ATR: variants seen among roughly 807,000 people sequenced by gnomAD.
ATR encodes the protein ATR checkpoint kinase.
A neutral mutation model predicts 305.3 loss-of-function variants in ATR; 142 were observed. That is an observed-to-expected ratio of 0.47 (90% confidence interval 0.41 to 0.53). The LOEUF is 0.53. Among genes scored for constraint, ATR ranks in the 20% least tolerant of loss-of-function variants. The pLI is 0.00. For missense variants in ATR, 2,135 were observed against 3,133.1 expected (o/e 0.68, Z 7.60); for synonymous variants, 1,050 against 1,068.1 (o/e 0.98, Z 0.33).
rs74385971 is a variant in ATR at position 142,452,849 on chromosome 3, A to T, written c.7761+279T>A. On this transcript the variant is annotated intron_variant, in intron 46 of 46. Coordinates refer to ENST00000350721, the MANE Select transcript of ATR (RefSeq NM_001184.4). ...TCTGTAAGTTCAGGCAATTTGTACTATAGTTTTTCCTACTGTATCTCATAA... is the reference window on the plus strand; with the variant it reads ...TCTGTAAGTTCAGGCAATTTGTACTTTAGTTTTTCCTACTGTATCTCATAA... The T allele has an allele frequency of 0.02, 25,392 of 1,271,370 alleles. 309 individuals carry two copies. Among genetic ancestry groups the T allele is most frequent in the South Asian group, 0.04 (2,365 of 59,850 alleles). The allele number at this position is 1,271,370 out of a possible 1,614,324, so 78.8% of individuals were successfully genotyped here.
chr3:142,459,087 G>A lies in ATR; in HGVS notation c.7374C>T (p.Cys2458=), dbSNP rs1204818717. Residue 2458 remains cysteine (C), a synonymous_variant, in exon 44 of 47, where the codon TGC becomes TGT. Transcript: ENST00000350721. Reference sequence around the variant, plus strand: ...CCATTGACATTACTGCAGTGGAACGGCAGTAAGCTGATCTACTACTGTACC... The same window carrying A: ...CCATTGACATTACTGCAGTGGAACGACAGTAAGCTGATCTACTACTGTACC... ...TSWYSSRSAY[C]RSTAVMSMVG... is the part of the protein sequence containing the mutation. 2 of 1,614,002 alleles carry A rather than the reference G, an allele frequency of 1.2e-6. No individual in the cohort carries two copies. Among genetic ancestry groups the A allele is most frequent in the African/African-American group, 2.7e-5 (2 of 75,046 alleles).
At chr3:142,521,485 C>A (rs946459666) in intron 23 of ATR, among the ~76,000 whole-genome samples, 9 of 152,148 alleles carry the variant, frequency 5.9e-5, no homozygotes, top group African/African-American at 2.2e-4. Flanking sequence ...GATAGTAATT[C>A]CTCTGATGGA....
intron 21 of ATR, among the ~76,000 whole-genome samples, chr3:142,526,490 A>G (rs939540877): frequency 1.8e-4 from 27 of 152,028 alleles, no homozygotes; most frequent in African/African-American, 5.8e-4. Context: ...CTTGTTTCCC[A>G]TTAAGTATGT....
At chr3:142,474,260 G>C (rs1320999190) in intron 36 of ATR, among the ~76,000 whole-genome samples, 2 of 151,542 alleles carry the variant, frequency 1.3e-5, no homozygotes, top group Non-Finnish European at 2.9e-5. Flanking sequence ...AAAAAAAAAA[G>C]GAAAGAAAGA....
intron 30 of ATR, among the ~76,000 whole-genome samples, 164 bp downstream of exon 30, chr3:142,503,198 C>G (rs1053855387): frequency 6.6e-6 from 1 of 152,022 alleles, no homozygotes; most frequent in South Asian, 2.1e-4. Context: ...GGTAGACTGA[C>G]TATGAAAAAC....
chr3:142,541,050 G>A lies in ATR; in HGVS notation c.3451-16C>T, dbSNP rs748672403. ...TGTTCAAGGCCTATAGAGTTAAGTA[G>A]TGCTTCAGAGTAAAGCTTATAAACA... On this transcript the variant is annotated splice_polypyrimidine_tract_variant and intron_variant, in intron 17 of 46. Transcript: ENST00000350721. 1.2e-6 allele frequency: 2 copies of A among 1,613,198 alleles called. No homozygotes were observed. Among genetic ancestry groups the A allele is most frequent in the South Asian group, 1.1e-5 (1 of 91,060 alleles).
intron 4 of ATR, 82 bp from the exon 5 acceptor site, chr3:142,561,503 A>C: frequency 7.1e-7 from 1 of 1,404,904 alleles, no homozygotes; most frequent in South Asian, 1.3e-5. Context: ...AATGTATTAG[A>C]TGTTAGGTGT....
intron 1 of ATR, among the ~76,000 whole-genome samples, chr3:142,568,809 C>T (rs1030401493): frequency 6.6e-6 from 1 of 152,242 alleles, no homozygotes; most frequent in Non-Finnish European, 1.5e-5. Flanking sequence ...GTTGTCAGGA[C>T]CAGGCCGCGT....
intron 36 of ATR, among the ~76,000 whole-genome samples, chr3:142,472,579 T>C (rs2071313281): frequency 6.6e-6 from 1 of 152,218 alleles, no homozygotes; most frequent in African/African-American, 2.4e-5. Context: ...TTTTGAAATA[T>C]GTCTGCTCAG....
intron 29 of ATR, 49 bp from the exon 30 acceptor site, chr3:142,503,502 C>T (rs758008538): frequency 3.2e-6 from 4 of 1,239,284 alleles, no homozygotes; most frequent in South Asian, 1.3e-5. Flanking sequence ...TCAATAATAG[C>T]TTGGGGACCA....
chr3:142,492,039 T>C (rs982762214), intron 35 of ATR, among the ~76,000 whole-genome samples: 3 of 152,238 alleles, frequency 2.0e-5, no homozygotes, highest in African/African-American at 7.2e-5. Flanking sequence ...TGTCAAGTTT[T>C]AGATTTTGTT....
rs754022724 is a variant in ATR at position 142,553,674 on chromosome 3, C to T, written c.2599G>A (p.Asp867Asn). The T allele has an allele frequency of 1.9e-6, 3 of 1,611,916 alleles. No individual in the cohort carries two copies. Among genetic ancestry groups the T allele is most frequent in the East Asian group, 4.5e-5 (2 of 44,814 alleles). ...AQISRNNELK[D>N]TLILTTGDIG... ...TCCCCTGTTGTAAGAATCAAGGTAT[C>T]CTTCAGCTCATTATTTCTTGATATT... The change falls in exon 12 of 47, where the codon GAT (aspartate) becomes AAT (asparagine). Residue 867 changes from aspartate to asparagine, a missense_variant. Physicochemically the swap from Asp to Asn is conservative, Grantham distance 23 (BLOSUM62 1). Around this residue, in one of 9 missense-constraint regions of ATR, gnomAD observed 530 missense variants for 766.8 expected, o/e 0.69. Coordinates refer to ENST00000350721, the MANE Select transcript of ATR (RefSeq NM_001184.4).
chr3:142,494,626 T>C lies in ATR; in HGVS notation c.5899-1315A>G, dbSNP rs187415874. ...TTTAGTGAAAGGCATTCTAGGTAGA[T>C]GGAATAATAATTTTAATTGGAAGAA... On this transcript the variant is annotated intron_variant, in intron 34 of 46. Transcript: ENST00000350721. Among the ~76,000 whole-genome samples the C allele has an allele frequency of 7.5e-4, 114 of 152,262 alleles. 3 individuals are homozygous for C. The East Asian group carries it at 0.022, about 29-fold the overall frequency.
At chr3:142,554,049 C>T (rs1461411526) in intron 10 of ATR, 34 bp from the exon 11 acceptor site, 4 of 1,509,420 alleles carry the variant, frequency 2.7e-6, no homozygotes, top group East Asian at 2.3e-5. Flanking sequence ...CCTAATTTAA[C>T]ATATTAAATG....
chr3:142,486,331 C>T (rs148992283), intron 35 of ATR, among the ~76,000 whole-genome samples: 50 of 152,266 alleles, frequency 3.3e-4, no homozygotes, highest in African/African-American at 1.0e-3. Context: ...TATGATTAGA[C>T]GTGTGGCACA....
chr3:142,469,560 G>T lies in ATR; in HGVS notation c.6329C>A (p.Ser2110Tyr), dbSNP rs751140070. 1.2e-6 allele frequency: 2 copies of T among 1,612,382 alleles called. No individual in the cohort carries two copies. The highest frequency in any genetic ancestry group is 1.7e-6 in the Non-Finnish European group (2 of 1,178,664). Residue 2110 changes from serine to tyrosine, a missense_variant, in exon 38 of 47, where the codon TCC (serine) becomes TAC (tyrosine). Ser to Tyr is a moderately radical substitution (Grantham distance 144, BLOSUM62 -2). This residue lies in a region of ATR where 462 missense variants were observed against 887.6 expected (regional missense o/e 0.52). Transcript: ENST00000350721. ...KAYEWEKAGR[S>Y]DRVQMRNDLG... is the part of the protein sequence containing the mutation. ...ATCATTCCTCATTTGTACACGATCG[G>T]AGCGGCCAGCTGGGGGAAGAAATAA... is the stretch of plus-strand genomic sequence containing the variant.
At chr3:142,552,818 T>A (rs181572707) in intron 13 of ATR, among the ~76,000 whole-genome samples, 24 of 152,026 alleles carry the variant, frequency 1.6e-4, no homozygotes, top group African/African-American at 4.6e-4. Flanking sequence ...GGGACATGAA[T>A]GGAATTGGAA....
At chr3:142,471,996 G>C (rs927627163) in intron 36 of ATR, 6 of 151,884 alleles carry the variant, frequency 4.0e-5, no homozygotes, top group African/African-American at 1.5e-4. Flanking sequence ...TTCTGTGCCA[G>C]GCTTACTTCA....
intron 36 of ATR, 42 bp downstream of exon 36, chr3:142,485,098 C>T (rs1367720777): frequency 1.2e-6 from 2 of 1,609,098 alleles, no homozygotes; most frequent in South Asian, 1.1e-5. Flanking sequence ...TAATAGTCAT[C>T]CTTACATATT....
Sources: gnomAD v4.1 joint callset for allele counts (sites outside exome capture counted in the v4.1 genomes callset) on GRCh38, gnomAD v4.1.1 for gene constraint, gnomAD v4.1.1 regional missense constraint, MANE v1.5 for transcripts, NCBI Gene and HGNC (gene_info 2026-07-23, HGNC 2026-07-21) for gene names.